The following CCBE1 variants were observed in gnomAD, a reference collection of about 807,000 sequenced individuals.
CCBE1 encodes the protein collagen and calcium binding EGF domains 1, also known as collagen and calcium-binding EGF domain-containing protein 1.
Under a neutral mutation model 50.0 loss-of-function variants are expected in CCBE1, and 37 were observed. That is an observed-to-expected ratio of 0.74 (90% CI 0.57 to 0.97). The LOEUF (loss-of-function observed/expected upper bound fraction) is 0.97. Among genes scored for constraint, CCBE1 ranks in the 50% least tolerant of loss-of-function variants. The pLI is 0.00. For synonymous variants in CCBE1, 234 were observed against 203.7 expected (o/e 1.15, Z -1.27); for missense variants, 538 against 523.8 (o/e 1.03, Z -0.26).
intron 2 of CCBE1, among the ~76,000 whole-genome samples, chr18:59,675,533 TTTC>T (rs2054489506): frequency 6.6e-6 from 1 of 152,152 alleles, no homozygotes; most frequent in Non-Finnish European, 1.5e-5. Context: ...TTAAAAGACT[TTTC>T]TACAAAGCCA....
intron 2 of CCBE1, among the ~76,000 whole-genome samples, chr18:59,481,646 C>G (rs983380898): frequency 2.0e-5 from 3 of 152,098 alleles, no homozygotes; most frequent in Non-Finnish European, 4.4e-5. Context: ...ACCACAGTAA[C>G]CAGAAGACAG....
intron 2 of CCBE1, among the ~76,000 whole-genome samples, chr18:59,566,897 T>A (rs993769): frequency 0.57 from 86,309 of 151,578 alleles, 26,356 homozygotes; most frequent in African/African-American, 0.79. Flanking sequence ...GAGAGAACGA[T>A]GATGAAAGTC....
At chr18:59,440,196 C>T (rs1397587902) in intron 7 of CCBE1, among the ~76,000 whole-genome samples, 1 of 152,196 alleles carries the variant, frequency 6.6e-6, no homozygotes. Flanking sequence ...GTGGCCACCA[C>T]CACAGAGAAG....
At chr18:59,606,117 A>T (rs2053495704) in intron 2 of CCBE1, among the ~76,000 whole-genome samples, 1 of 152,246 alleles carries the variant, frequency 6.6e-6, no homozygotes, top group Non-Finnish European at 1.5e-5. Flanking sequence ...TTTCTTAGTA[A>T]TAACACGCTT....
chr18:59,553,449 T>A (rs1376196906), intron 2 of CCBE1, among the ~76,000 whole-genome samples: 1 of 152,206 alleles, frequency 6.6e-6, no homozygotes, highest in Admixed American at 6.5e-5. Flanking sequence ...GTAACCCAGA[T>A]GCAGTTAACA....
chr18:59,515,085 G>A (rs559448516), intron 2 of CCBE1, among the ~76,000 whole-genome samples: 31 of 152,294 alleles, frequency 2.0e-4, no homozygotes, highest in African/African-American at 7.5e-4. Context: ...TAAAACACAA[G>A]GGAACAGAAG....
intron 2 of CCBE1, among the ~76,000 whole-genome samples, chr18:59,616,895 T>C (rs2053643963): frequency 6.6e-6 from 1 of 152,276 alleles, no homozygotes; most frequent in African/African-American, 2.4e-5. Flanking sequence ...AGTCAGTTCA[T>C]CACTCCAGAC....
intron 2 of CCBE1, among the ~76,000 whole-genome samples, chr18:59,546,932 G>A (rs1160531224): frequency 1.3e-5 from 2 of 151,666 alleles, no homozygotes; most frequent in Non-Finnish European, 2.9e-5. Flanking sequence ...AAAGAAGAAA[G>A]GTAGGTGAAT....
chr18:59,449,751 C>A (rs1354991700), intron 6 of CCBE1, among the ~76,000 whole-genome samples: 1 of 152,108 alleles, frequency 6.6e-6, no homozygotes, highest in African/African-American at 2.4e-5. Flanking sequence ...AACACATGAT[C>A]AAGTCTTCGT....
intron 2 of CCBE1, among the ~76,000 whole-genome samples, chr18:59,481,183 A>T (rs1445865885): frequency 2.0e-5 from 3 of 152,240 alleles, no homozygotes; most frequent in Non-Finnish European, 4.4e-5. Flanking sequence ...AATAGATCTG[A>T]AATTTTTAAA....
chr18:59,503,151 G>A (rs558708375), intron 2 of CCBE1, among the ~76,000 whole-genome samples: 49 of 152,326 alleles, frequency 3.2e-4, no homozygotes, highest in African/African-American at 1.1e-3. Context: ...GACAGCTGGA[G>A]GCCAGGGAGT....
At chr18:59,562,435 G>C (rs1332622977) in intron 2 of CCBE1, among the ~76,000 whole-genome samples, 1 of 152,184 alleles carries the variant, frequency 6.6e-6, no homozygotes, top group African/African-American at 2.4e-5. Flanking sequence ...GCTGCACAGA[G>C]AGAGGCAGAG....
rs1912492562 is a variant in CCBE1 at position 59,480,040 on chromosome 18, A to T, written c.265+146T>A. The T allele has an allele frequency of 6.7e-5, 42 of 628,842 alleles. 1 individual carries two copies. In the South Asian group the frequency reaches 8.7e-4, roughly 13 times the overall value. 39.0% of individuals were successfully genotyped at this position (628,842 alleles called of 1,614,324 possible). A position where few individuals can be genotyped will look rare whatever the true frequency, so the allele number is the denominator to read the frequency against. On this transcript the variant is annotated intron_variant, in intron 3 of 10. Transcript: ENST00000439986. ...ACATATAACAAAATTGGCGTCAGAA[A>T]AATTTGATGCCAAAAAATATACACA...
intron 2 of CCBE1, among the ~76,000 whole-genome samples, chr18:59,501,252 G>C (rs1298551428): frequency 6.6e-6 from 1 of 152,212 alleles, no homozygotes; most frequent in Non-Finnish European, 1.5e-5. Flanking sequence ...TGGGGACCCT[G>C]TCCTGGGGCT....
At chr18:59,651,121 C>T (rs925211494) in intron 2 of CCBE1, among the ~76,000 whole-genome samples, 7 of 152,170 alleles carry the variant, frequency 4.6e-5, no homozygotes, top group African/African-American at 1.7e-4. Flanking sequence ...ACCCAATTCC[C>T]TTTCTTCAAA....
intron 2 of CCBE1, among the ~76,000 whole-genome samples, chr18:59,639,509 C>T (rs1481197269): frequency 8.5e-5 from 13 of 152,122 alleles, no homozygotes; most frequent in African/African-American, 2.9e-4. Flanking sequence ...TAGTAAGAGC[C>T]ATCTATGACA....
At chr18:59,477,538 CTGTGTGTGTGTGTGTG>C (rs55840819) in intron 3 of CCBE1, among the ~76,000 whole-genome samples, 1 of 149,884 alleles carries the variant, frequency 6.7e-6, no homozygotes. Context: ...TTCCATGTCT[CTGTGTGTGTGTGTGTG>C]TGTGTGTGTG....
At chr18:59,616,307 A>T (rs1387567527) in intron 2 of CCBE1, among the ~76,000 whole-genome samples, 1 of 152,244 alleles carries the variant, frequency 6.6e-6, no homozygotes, top group East Asian at 1.9e-4. Flanking sequence ...GAGGAGCCAG[A>T]GGCGGCCCTG....
rs76448237 is a variant in CCBE1 at position 59,637,391 on chromosome 18, C to T, written c.212+59238G>A. Reference sequence around the variant, plus strand: ...AAAAGTGATAAACCATGTTAATAGTCTGATTTATCCATCAATTACAAAGAG... The same window carrying T: ...AAAAGTGATAAACCATGTTAATAGTTTGATTTATCCATCAATTACAAAGAG... On this transcript the variant is annotated intron_variant, in intron 2 of 10. Coordinates refer to ENST00000439986, the MANE Select transcript of CCBE1 (RefSeq NM_133459.4). Among the ~76,000 whole-genome samples the T allele has an allele frequency of 6.2e-3, 948 of 152,204 alleles. 15 individuals are homozygous for T. Among genetic ancestry groups the T allele is most frequent in the African/African-American group, 0.021 (878 of 41,548 alleles).
Sources: gnomAD v4.1 joint callset for allele counts (sites outside exome capture counted in the v4.1 genomes callset) on GRCh38, gnomAD v4.1.1 for gene constraint, MANE v1.5 for transcripts, NCBI Gene and HGNC (gene_info 2026-07-23, HGNC 2026-07-21) for gene names.